GARS1: variants seen among roughly 807,000 people sequenced by gnomAD.
GARS1 encodes the protein glycine--tRNA ligase.
A neutral mutation model predicts 86.4 loss-of-function variants in GARS1; 46 were observed. The observed-to-expected ratio is 0.53, with a 90% CI of 0.42 to 0.68. The LOEUF is 0.68. Among genes scored for constraint, GARS1 ranks in the 30% least tolerant of loss-of-function variants. GARS1 has a pLI of 0.00. For synonymous variants in GARS1, 342 were observed against 329.8 expected (o/e 1.04, Z -0.40); for missense variants, 797 against 915.6 (o/e 0.87, Z 1.67).
chr7:30,600,975 T>G, intron 3 of GARS1, 84 bp from the exon 4 acceptor site: 1 of 1,237,440 alleles, frequency 8.1e-7, no homozygotes, highest in Non-Finnish European at 1.2e-6. Flanking sequence ...TTAGGGAGTA[T>G]AGGTATCAGT....
chr7:30,621,871 C>T (rs1304765226), intron 11 of GARS1, among the ~76,000 whole-genome samples: 2 of 152,068 alleles, frequency 1.3e-5, no homozygotes, highest in Non-Finnish European at 2.9e-5. Context: ...AGATGAGTGC[C>T]ATTTGATAGT....
At chr7:30,594,875 G>A (rs1245131539), upstream of GARS1, 1 of 1,470,582 alleles carries the variant, frequency 6.8e-7, no homozygotes, top group Non-Finnish European at 9.2e-7. Context: ...GGCGGCGCGC[G>A]CCGCTTCCGT....
intron 4 of GARS1, 96 bp from the exon 5 acceptor site, chr7:30,602,938 A>G (rs1034339972): frequency 5.0e-5 from 44 of 874,098 alleles, no homozygotes; most frequent in Non-Finnish European, 7.4e-5. Context: ...CATCTTTGAG[A>G]TGGATATAAA....
intron 12 of GARS1, chr7:30,622,706 G>A (rs772101768): frequency 2.7e-5 from 13 of 482,282 alleles, no homozygotes; most frequent in Non-Finnish European, 4.5e-5. Context: ...GCCAGGCTGA[G>A]GAAGGAAGGG....
At chr7:30,601,311 A>T (rs1049737836) in intron 4 of GARS1, 111 bp downstream of exon 4, 1 of 982,418 alleles carries the variant, frequency 1.0e-6, no homozygotes, top group Non-Finnish European at 1.5e-6. Context: ...TACTCATTTC[A>T]TGTAGAAAAT....
intron 6 of GARS1, among the ~76,000 whole-genome samples, chr7:30,608,845 G>A (rs1263904436): frequency 1.3e-5 from 2 of 152,060 alleles, no homozygotes; most frequent in African/African-American, 2.4e-5. Flanking sequence ...TGGGAGATAC[G>A]CCAAGGTCTT....
At chr7:30,600,544 A>G (rs1468236641) in intron 3 of GARS1, among the ~76,000 whole-genome samples, 1 of 152,244 alleles carries the variant, frequency 6.6e-6, no homozygotes, top group Non-Finnish European at 1.5e-5. Flanking sequence ...GATGAAATGT[A>G]AAACTATATT....
chr7:30,600,855 A>G (rs1791360013), intron 3 of GARS1, among the ~76,000 whole-genome samples: 1 of 152,224 alleles, frequency 6.6e-6, no homozygotes, highest in Non-Finnish European at 1.5e-5. Flanking sequence ...GAAATTACAA[A>G]TATAGAATTA....
At chr7:30,619,882 A>T (rs2128134945) in intron 10 of GARS1, among the ~76,000 whole-genome samples, 1 of 146,802 alleles carries the variant, frequency 6.8e-6, no homozygotes, top group African/African-American at 2.5e-5. Flanking sequence ...GGTTCAAGCG[A>T]TTCTCCTGCC....
In GARS1 at chr7:30,594,977, T is replaced by TGCTGCC; in HGVS notation, c.59_64dup (p.Leu20_Pro21dup). 6.3e-7 allele frequency: 1 copy of TGCTGCC among 1,595,328 alleles called. No homozygotes were observed. Among genetic ancestry groups the TGCTGCC allele is most frequent in the Non-Finnish European group, 8.5e-7 (1 of 1,178,254 alleles). ...GGTGCTCGCGCCGCTCTGCTGCTGC[T>TGCTGCC]GCTGCCGCCCCGGCTCTTAGCCCGA... On this transcript the variant is annotated inframe_insertion, in exon 1 of 17. Transcript: ENST00000389266.
At chr7:30,595,267 C>T (rs1452032766) in intron 1 of GARS1, 124 bp downstream of exon 1, 4 of 964,188 alleles carry the variant, frequency 4.1e-6, no homozygotes, top group South Asian at 2.9e-5. Context: ...TTCCCTTCAT[C>T]CTCTGGCGTC....
At chr7:30,631,382 G>C in intron 14 of GARS1, 66 bp from the exon 15 acceptor site, 5 of 1,258,248 alleles carry the variant, frequency 4.0e-6, no homozygotes, top group Non-Finnish European at 5.8e-6. Context: ...CTTTTGGTTT[G>C]GGATATTAGC....
chr7:30,620,525 G>T (rs1782982546), intron 10 of GARS1, among the ~76,000 whole-genome samples: 1 of 152,136 alleles, frequency 6.6e-6, no homozygotes, highest in Non-Finnish European at 1.5e-5. Flanking sequence ...ATCACATTGG[G>T]AGTTAGGATT....
intron 1 of GARS1, chr7:30,595,727 G>C (rs556403098): frequency 1.7e-5 from 8 of 470,530 alleles, no homozygotes; most frequent in South Asian, 1.2e-4. Flanking sequence ...TGAGAAAATA[G>C]AATTGAAATG....
intron 14 of GARS1, among the ~76,000 whole-genome samples, chr7:30,628,966 C>A (rs1252628655): frequency 6.6e-6 from 1 of 152,156 alleles, no homozygotes; most frequent in East Asian, 1.9e-4. Context: ...AGGAATGGTA[C>A]TTTCTGGATA....
At chr7:30,606,701 C>T (rs1791491855) in intron 6 of GARS1, among the ~76,000 whole-genome samples, 8 of 152,136 alleles carry the variant, frequency 5.3e-5, no homozygotes, top group Admixed American at 5.2e-4. Context: ...TCATCTTATA[C>T]ATTTCCTGTC....
intron 12 of GARS1, among the ~76,000 whole-genome samples, chr7:30,623,618 C>G (rs192508014): frequency 2.6e-5 from 4 of 152,228 alleles, no homozygotes; most frequent in Admixed American, 2.6e-4. Flanking sequence ...CAGTCTAATG[C>G]ATGTGTAATT....
chr7:30,604,430 A>ATC lies in GARS1; in HGVS notation c.735+874_735+875dup, dbSNP rs143051111. On this transcript the variant is annotated intron_variant, in intron 6 of 16. Coordinates refer to ENST00000389266, the MANE Select transcript of GARS1 (RefSeq NM_002047.4). ...GATTATACCTATTTTCTTTACACCGATCTCTCTCTCTCTCTCTGCCTGAAT... is the reference window on the plus strand; with the variant it reads ...GATTATACCTATTTTCTTTACACCGATCTCTCTCTCTCTCTCTCTGCCTGAAT... Among the ~76,000 whole-genome samples the ATC allele has an allele frequency of 7.9e-3, 1,180 of 149,166 alleles. 15 individuals carry two copies. Among genetic ancestry groups the ATC allele is most frequent in the African/African-American group, 0.027 (1,104 of 40,894 alleles).
At chr7:30,616,556 T>C (rs930201538) in intron 9 of GARS1, among the ~76,000 whole-genome samples, 16 of 152,330 alleles carry the variant, frequency 1.1e-4, no homozygotes, top group Admixed American at 3.9e-4. Context: ...GCAGTGAGCT[T>C]CCTGGCCCTG....
Sources: allele counts gnomAD v4.1 joint callset (sites outside exome capture counted in the v4.1 genomes callset), GRCh38; gene constraint gnomAD v4.1.1; transcripts MANE v1.5; gene names NCBI Gene and HGNC (gene_info 2026-07-23, HGNC 2026-07-21).